Variants in NECTIN1 observed in about 807,000 individuals in gnomAD.
NECTIN1 encodes the protein nectin-1.
NECTIN1 carries 23 observed loss-of-function variants against 48.0 expected under a neutral mutation model. The ratio of observed to expected loss-of-function variants is 0.48; its 90% CI spans 0.34 to 0.68. The LOEUF (loss-of-function observed/expected upper bound fraction) is 0.68, where lower values mean the gene tolerates loss of function less well. NECTIN1 is among the 30% of genes least tolerant of loss of function. The pLI is 0.01. For missense variants in NECTIN1, 591 were observed against 709.9 expected (o/e 0.83, Z 1.90); for synonymous variants, 270 against 288.9 (o/e 0.93, Z 0.66).
chr11:119,679,356 A>C (rs928919357), intron 1 of NECTIN1, among the ~76,000 whole-genome samples: 1 of 152,140 alleles, frequency 6.6e-6, no homozygotes, highest in Non-Finnish European at 1.5e-5. Flanking sequence ...TTGAAGGCCC[A>C]CGGTGGCTGT....
At chr11:119,689,465 G>C (rs368390794) in intron 1 of NECTIN1, among the ~76,000 whole-genome samples, 8 of 152,330 alleles carry the variant, frequency 5.3e-5, no homozygotes, top group African/African-American at 1.9e-4. Context: ...CCTAGGCAAG[G>C]CTTTGGAGTC....
intron 5 of NECTIN1, chr11:119,674,570 A>G (rs1864916471): frequency 1.2e-6 from 2 of 1,614,066 alleles, no homozygotes; most frequent in Non-Finnish European, 1.7e-6. Flanking sequence ...TGCTCCTTTC[A>G]CGTCCCAGGT....
In NECTIN1 at chr11:119,665,187, C is replaced by T. The variant is rs759345182; in HGVS notation, c.1114G>A (p.Gly372Ser). 4.3e-6 allele frequency: 7 copies of T among 1,609,428 alleles called. No homozygotes were observed. Among genetic ancestry groups the T allele is most frequent in the East Asian group, 2.2e-5 (1 of 44,878 alleles). Reference protein sequence around the residue: ...GSILLVLIVVGGIVVALRRRR... With the variant: ...GSILLVLIVVSGIVVALRRRR... ...CGACGCAGGGCGACCACGATCCCGC[C>T]GACCACAATCAACACCAGCAGGATG... Residue 372 changes from glycine to serine, a missense_variant, in exon 6 of 6, where the codon GGC (glycine) becomes AGC (serine). By Grantham distance (56) the Gly-to-Ser change is moderately conservative. Coordinates refer to ENST00000264025, the MANE Select transcript of NECTIN1 (RefSeq NM_002855.5). The surrounding 1 kb of genome is among the most constrained non-coding windows in gnomAD (Gnocchi z 5.1).
chr11:119,687,525 A>G (rs77910615), intron 1 of NECTIN1, among the ~76,000 whole-genome samples: 2,667 of 152,088 alleles, frequency 0.018, 62 homozygotes, highest in African/African-American at 0.049. Flanking sequence ...TGCAGCAAAC[A>G]ACACTGTCTT....
intron 5 of NECTIN1, among the ~76,000 whole-genome samples, chr11:119,666,896 C>T (rs78442960): frequency 0.012 from 1,865 of 152,220 alleles, 48 homozygotes; most frequent in African/African-American, 0.041. Flanking sequence ...GAAGGGCTGA[C>T]GAAAACACAG....
In NECTIN1 at chr11:119,728,972, T is replaced by G; in HGVS notation, c.-419A>C. 6.6e-6 allele frequency: 1 copy of G among 150,988 alleles called. No individual in the cohort carries two copies. The highest frequency in any genetic ancestry group is 1.5e-5 in the Non-Finnish European group (1 of 68,176). The allele number at this position is 150,988 out of a possible 1,614,324, so 9.4% of individuals were successfully genotyped here. On this transcript the variant is annotated 5_prime_UTR_variant, in exon 1 of 6. It removes an upstream start codon present in the reference 5' UTR. Transcript: ENST00000264025. ...CTCGGCTCCAACTTGCAGGCGTCCA[T>G]GGCCGGCCGTCCTCCGAGGGTGGCG...
downstream of NECTIN1, among the ~76,000 whole-genome samples, chr11:119,657,281 G>A (rs1864591121): frequency 6.6e-6 from 1 of 151,934 alleles, no homozygotes; most frequent in South Asian, 2.1e-4. Context: ...CTTCCTCCAC[G>A]CTGGCTGTCT....
At chr11:119,724,151 T>C (rs960350268) in intron 1 of NECTIN1, among the ~76,000 whole-genome samples, 2 of 152,148 alleles carry the variant, frequency 1.3e-5, no homozygotes, top group Non-Finnish European at 2.9e-5. Flanking sequence ...CAGAGTATGC[T>C]ACCTCCCCTC....
chr11:119,669,534 C>T (rs1864833118), intron 5 of NECTIN1, among the ~76,000 whole-genome samples: 1 of 152,200 alleles, frequency 6.6e-6, no homozygotes, highest in African/African-American at 2.4e-5. Context: ...CCTAACTGCT[C>T]CCCTGATTCC....
intron 1 of NECTIN1, among the ~76,000 whole-genome samples, chr11:119,696,203 C>T (rs1470655052): frequency 6.6e-6 from 1 of 152,164 alleles, no homozygotes; most frequent in African/African-American, 2.4e-5. Flanking sequence ...CTCAGCTTCC[C>T]AAAGTGTTAG....
At position 119,650,662 on chromosome 11, in the gene NECTIN1, G is replaced by C. The variant is rs117525714; in HGVS notation, c.1004-10650C>G. On this transcript the variant is annotated intron_variant, in intron 5 of 7. Transcript: ENST00000341398. Reference sequence around the variant, plus strand: ...AGGGTTGCAGAGTGGTTAGAGACACGGATTCTGGGGCCAGACTGCCTAGGT... The same window carrying C: ...AGGGTTGCAGAGTGGTTAGAGACACCGATTCTGGGGCCAGACTGCCTAGGT... Among the ~76,000 whole-genome samples, 56 of 152,308 alleles carry C rather than the reference G, an allele frequency of 3.7e-4. No homozygotes were observed. In the East Asian group the frequency reaches 0.011, roughly 29 times the overall value.
chr11:119,701,833 A>G (rs1350857470), intron 1 of NECTIN1, among the ~76,000 whole-genome samples: 1 of 152,184 alleles, frequency 6.6e-6, no homozygotes, highest in Non-Finnish European at 1.5e-5. Context: ...AGACAGGGGC[A>G]GCCCAAATCC....
chr11:119,677,242 A>T lies in NECTIN1; in HGVS notation c.734-23T>A, dbSNP rs1864969100. ...CATCTGTGGGGCAAGGGATGTTTGA[A>T]GAGGGTGAGGTCAGGAGAGCGGGAC... On this transcript the variant is annotated intron_variant, in intron 3 of 5. Transcript: ENST00000264025. This position sits in a 1 kb window ranked among gnomAD's most constrained non-coding sequence, Gnocchi z 5.4. 4 of 1,596,712 alleles carry T rather than the reference A, an allele frequency of 2.5e-6. No homozygotes were observed. Among genetic ancestry groups the T allele is most frequent in the Non-Finnish European group, 3.4e-6 (4 of 1,164,216 alleles).
At chr11:119,723,767 C>A (rs543560903) in intron 1 of NECTIN1, among the ~76,000 whole-genome samples, 1 of 152,322 alleles carries the variant, frequency 6.6e-6, no homozygotes, top group Non-Finnish European at 1.5e-5. Flanking sequence ...GTTAACTGGA[C>A]TAAAGGGTGT....
At chr11:119,722,458 G>A (rs1222465218) in intron 1 of NECTIN1, among the ~76,000 whole-genome samples, 2 of 152,246 alleles carry the variant, frequency 1.3e-5, no homozygotes, top group Non-Finnish European at 2.9e-5. Flanking sequence ...AAATGTGGAA[G>A]TGAAAGAAGG....
At chr11:119,707,046 G>T (rs1865560248) in intron 1 of NECTIN1, among the ~76,000 whole-genome samples, 1 of 152,210 alleles carries the variant, frequency 6.6e-6, no homozygotes, top group Admixed American at 6.5e-5. Flanking sequence ...CCTTCTGGTA[G>T]CTTCCATCTG....
downstream of NECTIN1, among the ~76,000 whole-genome samples, chr11:119,657,948 C>G (rs11604218): frequency 0.061 from 8,518 of 139,584 alleles, 750 homozygotes; most frequent in African/African-American, 0.19. Context: ...AAAAGTCTGT[C>G]TAGGCCCCAA....
Position 119,664,969 on chromosome 11 carries a change from C to G in NECTIN1, c.1332G>C (p.Glu444Asp). ...SSYEEEEEEE[E>D]GGGGGERKVG... ...CCTTGCGCTCGCCCCCTCCACCGCC[C>G]TCCTCCTCCTCCTCCTCCTCCTCAT... Residue 444 changes from glutamate to aspartate, a missense_variant, in exon 6 of 6, where the codon GAG (glutamate) becomes GAC (aspartate). By Grantham distance (45) the Glu-to-Asp change is conservative. Coordinates refer to ENST00000264025, the MANE Select transcript of NECTIN1 (RefSeq NM_002855.5). The G allele has an allele frequency of 6.8e-7, 1 of 1,478,422 alleles. No homozygotes were observed. The allele number at this position is 1,478,422 out of a possible 1,614,324, so 91.6% of individuals were successfully genotyped here.
At position 119,673,418 on chromosome 11, in the gene NECTIN1, G is replaced by A. The variant is rs576093048; in HGVS notation, c.1003+1741C>T. 1.5e-4 allele frequency among the ~76,000 whole-genome samples: 23 copies of A among 152,202 alleles called. No homozygotes were observed. In the East Asian group the frequency reaches 1.5e-3, roughly 10 times the overall value. ...TTCCAGCTGGGACCCTAGGTGGCCCGGCCCTCCTGCCCCCAGCCCACACCC... is the reference window on the plus strand; with the variant it reads ...TTCCAGCTGGGACCCTAGGTGGCCCAGCCCTCCTGCCCCCAGCCCACACCC... On this transcript the variant is annotated intron_variant, in intron 5 of 5. Coordinates refer to ENST00000264025, the MANE Select transcript of NECTIN1 (RefSeq NM_002855.5). The surrounding 1 kb of genome is among the most constrained non-coding windows in gnomAD (Gnocchi z 5.8).
Sources: gnomAD v4.1 joint callset for allele counts (sites outside exome capture counted in the v4.1 genomes callset) on GRCh38, gnomAD v4.1.1 for gene constraint, Gnocchi (gnomAD v3.1) non-coding constraint, MANE v1.5 for transcripts, NCBI Gene and HGNC (gene_info 2026-07-23, HGNC 2026-07-21) for gene names.